The following STEEP1 variants were observed in gnomAD, a reference collection of about 807,000 sequenced individuals.
The protein encoded by STEEP1 is STING1 ER exit protein 1, also known as STING ER exit protein.
STEEP1 carries 3 observed loss-of-function variants against 19.2 expected under a neutral mutation model. That is an observed-to-expected ratio of 0.16 (90% CI 0.07 to 0.40). The LOEUF (loss-of-function observed/expected upper bound fraction) is 0.40, where lower values mean the gene tolerates loss of function less well. Ranked by LOEUF, STEEP1 falls within the 10% of genes least tolerant of loss-of-function variation. The pLI, the probability that STEEP1 is intolerant of heterozygous loss-of-function variation, is 0.99. For missense variants in STEEP1, 54 were observed against 177.1 expected (o/e 0.30, Z 3.94); for synonymous variants, 46 against 63.7 (o/e 0.72, Z 1.32).
intron 2 of STEEP1, among the ~76,000 whole-genome samples, chrX:119,558,055 C>T (rs924046933): frequency 1.6e-4 from 18 of 110,388 alleles, no homozygotes; most frequent in African/African-American, 5.6e-4. Context: ...TACAGGCACA[C>T]GCGCCACCAT....
chrX:119,558,967 A>G (rs1023700266), intron 2 of STEEP1, among the ~76,000 whole-genome samples: 1 of 110,849 alleles, frequency 9.0e-6, no homozygotes, highest in South Asian at 3.8e-4. Context: ...CTCTAATCCC[A>G]GCACTTTGGG....
intron 2 of STEEP1, 51 bp from the exon 3 acceptor site, chrX:119,545,555 C>G: frequency 1.1e-6 from 1 of 871,943 alleles, no homozygotes; most frequent in Non-Finnish European, 1.7e-6. Context: ...CATTATGTAT[C>G]AACCTTACTA....
At chrX:119,544,317 G>A in intron 4 of STEEP1, 36 bp downstream of exon 4, 1 of 1,144,033 alleles carries the variant, frequency 8.7e-7, no homozygotes, top group South Asian at 1.9e-5. Context: ...TAAATCTAGA[G>A]CTATATTAAG....
Position 119,541,439 on chromosome X carries a change from A to G in STEEP1, c.514-19T>C. 1.0e-6 allele frequency: 1 copy of G among 981,593 alleles called. No homozygotes were observed. The highest frequency in any genetic ancestry group is 1.9e-5 in the African/African-American group (1 of 53,585). 80.9% of individuals were successfully genotyped at this position (981,593 alleles called of 1,213,427 possible). On this transcript the variant is annotated intron_variant, in intron 5 of 6. Transcript: ENST00000644802. ...CTTCCCTCTGAAGGAAAAAAGGAGC[A>G]TCCTTAAACCGGAAGTCTCACCAAG... is the stretch of plus-strand genomic sequence containing the variant.
chrX:119,563,602 T>C (rs936033362), intron 1 of STEEP1, among the ~76,000 whole-genome samples: 1 of 101,090 alleles, frequency 9.9e-6, no homozygotes, highest in African/African-American at 3.7e-5. Context: ...GCACACTACT[T>C]GGGAGGCTGA....
At chrX:119,552,046 A>C (rs2053246339) in intron 2 of STEEP1, among the ~76,000 whole-genome samples, 1 of 109,686 alleles carries the variant, frequency 9.1e-6, no homozygotes, top group African/African-American at 3.3e-5. Context: ...GGTGCGCACC[A>C]CCACGCCCAG....
intron 3 of STEEP1, 148 bp downstream of exon 3, chrX:119,545,315 T>C (rs921148444): frequency 6.2e-5 from 24 of 385,078 alleles, no homozygotes; most frequent in Non-Finnish European, 1.1e-4. Context: ...ATTGCACCAC[T>C]GCACTCCAGC....
intron 1 of STEEP1, 59 bp from the exon 2 acceptor site, chrX:119,560,444 C>T (rs2053313386): frequency 3.9e-6 from 3 of 772,532 alleles, no homozygotes; most frequent in Middle Eastern, 2.9e-4. Context: ...AAATGAGTCA[C>T]TGCAAAATAT....
intron 6 of STEEP1, among the ~76,000 whole-genome samples, chrX:119,540,403 C>T (rs1443729708): frequency 9.0e-6 from 1 of 111,543 alleles, no homozygotes; most frequent in Non-Finnish European, 1.9e-5. Flanking sequence ...ACGACTATGG[C>T]AAGGTAAAGC....
intron 2 of STEEP1, among the ~76,000 whole-genome samples, chrX:119,551,480 CAAA>C (rs61569225): frequency 5.8e-5 from 5 of 86,395 alleles, no homozygotes; most frequent in Non-Finnish European, 9.3e-5. Flanking sequence ...AACTCTGTCT[CAAA>C]AAAAAAAAAA....
At chrX:119,552,339 G>C (rs12863531) in intron 2 of STEEP1, among the ~76,000 whole-genome samples, 5,021 of 112,170 alleles carry the variant, frequency 0.045, 96 homozygotes, top group South Asian at 0.091. Context: ...TGCCTAGTCA[G>C]GCCTCCAGAA....
intron 1 of STEEP1, among the ~76,000 whole-genome samples, chrX:119,563,028 T>C (rs2053331444): frequency 1.8e-5 from 2 of 111,904 alleles, no homozygotes; most frequent in South Asian, 7.3e-4. Flanking sequence ...TGAAGTGCGA[T>C]GAGCAAGAGG....
At chrX:119,547,893 C>T (rs1015029557) in intron 2 of STEEP1, among the ~76,000 whole-genome samples, 1 of 111,430 alleles carries the variant, frequency 9.0e-6, no homozygotes, top group African/African-American at 3.3e-5. Context: ...TAATGAGGGC[C>T]GGACGTGGTA....
chrX:119,563,785 G>A (rs181495651), intron 1 of STEEP1, among the ~76,000 whole-genome samples: 197 of 111,730 alleles, frequency 1.8e-3, no homozygotes, highest in African/African-American at 6.0e-3. Context: ...GCACCTGCAG[G>A]ATTTCCTGAT....
chrX:119,559,962 T>C (rs188045948), intron 2 of STEEP1, among the ~76,000 whole-genome samples: 9 of 109,115 alleles, frequency 8.2e-5, no homozygotes, highest in Non-Finnish European at 1.5e-4. Context: ...GGCAAGAGAG[T>C]TGCTTGAATC....
chrX:119,543,211 T>G, intron 4 of STEEP1, among the ~76,000 whole-genome samples: 1 of 107,234 alleles, frequency 9.3e-6, no homozygotes, highest in Non-Finnish European at 1.9e-5. Context: ...TTTTTTGAGA[T>G]GGAGTCTCAC....
At chrX:119,560,471 T>A (rs1056325914) in intron 1 of STEEP1, 86 bp from the exon 2 acceptor site, 2 of 592,151 alleles carry the variant, frequency 3.4e-6, no homozygotes, top group African/African-American at 4.5e-5. Context: ...AAGTTTTGAG[T>A]GGGATCCCTA....
intron 2 of STEEP1, among the ~76,000 whole-genome samples, chrX:119,551,579 C>G (rs1311192452): frequency 2.7e-5 from 3 of 110,860 alleles, no homozygotes; most frequent in Non-Finnish European, 5.7e-5. Flanking sequence ...GAGGGAGGAA[C>G]GAGGAAGCGG....
chrX:119,551,480 CAAAAA>C (rs61569225), intron 2 of STEEP1, among the ~76,000 whole-genome samples: 1 of 86,389 alleles, frequency 1.2e-5, no homozygotes, highest in South Asian at 5.4e-4. Flanking sequence ...AACTCTGTCT[CAAAAA>C]AAAAAAAAAA....
Sources: allele counts gnomAD v4.1 joint callset (sites outside exome capture counted in the v4.1 genomes callset), GRCh38; gene constraint gnomAD v4.1.1; transcripts MANE v1.5; gene names NCBI Gene and HGNC (gene_info 2026-07-23, HGNC 2026-07-21).